ZFHX3: variants seen among roughly 807,000 people sequenced by gnomAD.
The protein encoded by ZFHX3 is zinc finger homeobox protein 3.
In ZFHX3, 42 loss-of-function variants were observed where a neutral mutation model predicts 279.1. That is an observed-to-expected ratio of 0.15 (90% CI 0.12 to 0.19). The LOEUF is 0.19. Ranked by LOEUF, ZFHX3 falls within the 10% of genes least tolerant of loss-of-function variation. The pLI, the probability that ZFHX3 is intolerant of heterozygous loss-of-function variation, is 1.00. For synonymous variants in ZFHX3, 2,293 were observed against 1,957.8 expected (o/e 1.17, Z -4.52); for missense variants, 4,981 against 4,754.0 (o/e 1.05, Z -1.40).
chr16:72,983,003 G>C (rs559348830), intron 1 of ZFHX3, among the ~76,000 whole-genome samples: 1 of 152,194 alleles, frequency 6.6e-6, no homozygotes, highest in Non-Finnish European at 1.5e-5. Context: ...CAGGATTACT[G>C]TAGCATGACC....
intron 4 of ZFHX3, among the ~76,000 whole-genome samples, chr16:72,857,959 G>T (rs751144151): frequency 6.6e-6 from 1 of 152,238 alleles, no homozygotes; most frequent in African/African-American, 2.4e-5. Flanking sequence ...AACTACCGGA[G>T]TAAGAGAGCA....
At chr16:73,199,727 C>G (rs554188825) in intron 5 of ZFHX3, among the ~76,000 whole-genome samples, 1 of 152,306 alleles carries the variant, frequency 6.6e-6, no homozygotes, top group African/African-American at 2.4e-5. Flanking sequence ...ACACAGGCTC[C>G]TTTGGGAGGC....
intron 3 of ZFHX3, among the ~76,000 whole-genome samples, chr16:73,407,561 G>A (rs1160825390): frequency 1.3e-5 from 2 of 152,202 alleles, no homozygotes; most frequent in East Asian, 3.9e-4. Flanking sequence ...CACAGCATGA[G>A]GGAGTGGCAG....
At chr16:73,439,011 G>A (rs2018041727) in intron 3 of ZFHX3, among the ~76,000 whole-genome samples, 1 of 152,220 alleles carries the variant, frequency 6.6e-6, no homozygotes, top group African/African-American at 2.4e-5. Flanking sequence ...AAAGGATGGA[G>A]ATTTGGACAA....
At chr16:72,948,288 A>G (rs1017390536) in intron 3 of ZFHX3, among the ~76,000 whole-genome samples, 7 of 152,082 alleles carry the variant, frequency 4.6e-5, no homozygotes, top group African/African-American at 1.7e-4. Context: ...CCATTTCAGG[A>G]TCTCTCCTTC....
At chr16:73,211,104 G>A (rs997600067) in intron 5 of ZFHX3, among the ~76,000 whole-genome samples, 1 of 152,142 alleles carries the variant, frequency 6.6e-6, no homozygotes, top group Non-Finnish European at 1.5e-5. Flanking sequence ...GGACAATGTC[G>A]TGGGTTGGTT....
chr16:73,719,574 G>A (rs778613902), intron 1 of ZFHX3, among the ~76,000 whole-genome samples: 4 of 152,164 alleles, frequency 2.6e-5, no homozygotes, highest in Non-Finnish European at 5.9e-5. Flanking sequence ...ATAACTCGCT[G>A]AAATCTTGTA....
chr16:73,619,463 G>A (rs1274109477), intron 2 of ZFHX3, among the ~76,000 whole-genome samples: 1 of 142,624 alleles, frequency 7.0e-6, no homozygotes, highest in East Asian at 2.1e-4. Context: ...ACTTCAGCCT[G>A]GGTGACAGAG....
chr16:73,527,981 G>A (rs1200803402), intron 2 of ZFHX3, among the ~76,000 whole-genome samples: 2 of 152,166 alleles, frequency 1.3e-5, no homozygotes, highest in Non-Finnish European at 2.9e-5. Context: ...GCTAAATCTT[G>A]GAGTAATTTG....
chr16:73,160,816 C>T (rs1461368253), intron 5 of ZFHX3, among the ~76,000 whole-genome samples: 27 of 147,714 alleles, frequency 1.8e-4, no homozygotes, highest in Non-Finnish European at 3.1e-4. Context: ...AGATAATTAC[C>T]GTTTCCTTTA....
intron 7 of ZFHX3, among the ~76,000 whole-genome samples, chr16:73,110,309 G>A (rs1001929666): frequency 6.6e-6 from 1 of 152,040 alleles, no homozygotes; most frequent in African/African-American, 2.4e-5. Context: ...CATTCAAACA[G>A]GTTGTGTCTA....
In ZFHX3 at chr16:73,417,897, G is replaced by C. The variant is rs111456098; in HGVS notation, c.-1291+38106C>G. Among the ~76,000 whole-genome samples the C allele has an allele frequency of 1.9e-4, 28 of 146,598 alleles. 1 individual carries two copies. Among genetic ancestry groups the C allele is most frequent in the African/African-American group, 4.3e-4 (17 of 39,772 alleles). The stretch of plus-strand genomic sequence containing the variant: ...CCAGCTCCTCGGGAGGCTGAGGCAT[G>C]AGAATGGCGTGAACCCAGGAGGCGG... On this transcript the variant is annotated intron_variant, in intron 3 of 17. Coordinates refer to the ZFHX3 transcript ENST00000641206.
At chr16:73,874,589 T>C (rs986050848) in intron 1 of ZFHX3, among the ~76,000 whole-genome samples, 1 of 152,212 alleles carries the variant, frequency 6.6e-6, no homozygotes, top group African/African-American at 2.4e-5. Flanking sequence ...TGTTTATTCA[T>C]TATGCCTCTC....
At chr16:72,880,462 C>G (rs1306672616) in intron 4 of ZFHX3, among the ~76,000 whole-genome samples, 1 of 152,086 alleles carries the variant, frequency 6.6e-6, no homozygotes, top group Non-Finnish European at 1.5e-5. Flanking sequence ...GGGGGACTCA[C>G]AGAGACCAGG....
chr16:72,991,093 C>CTGT (rs66877075), intron 1 of ZFHX3, among the ~76,000 whole-genome samples: 2 of 1,880 alleles, frequency 1.1e-3, no homozygotes, highest in Non-Finnish European at 5.3e-3. Context: ...ATAGCAGTCC[C>CTGT]TTATCCGAGG....
At chr16:73,014,004 G>T (rs184899961) in intron 1 of ZFHX3, among the ~76,000 whole-genome samples, 1 of 152,194 alleles carries the variant, frequency 6.6e-6, no homozygotes, top group African/African-American at 2.4e-5. Flanking sequence ...GGAGATGATC[G>T]TGGATTATCC....
chr16:73,543,905 A>AGG (rs1555523946), intron 2 of ZFHX3: 5 of 151,518 alleles, frequency 3.3e-5, no homozygotes, highest in African/African-American at 1.2e-4. Flanking sequence ...AGAGAGAGAG[A>AGG]GAGAGACAGA....
At chr16:73,616,423 T>C (rs1384962174) in intron 2 of ZFHX3, among the ~76,000 whole-genome samples, 2 of 124,710 alleles carry the variant, frequency 1.6e-5, no homozygotes, top group African/African-American at 3.2e-5. Flanking sequence ...TTGGCAACTA[T>C]GGAGGAAAAA....
At chr16:73,172,195 G>C (rs1476770758) in intron 5 of ZFHX3, among the ~76,000 whole-genome samples, 1 of 152,188 alleles carries the variant, frequency 6.6e-6, no homozygotes, top group Non-Finnish European at 1.5e-5. Flanking sequence ...TGACACCCGA[G>C]CCCAAGCCTC....
Sources: allele counts gnomAD v4.1 joint callset (sites outside exome capture counted in the v4.1 genomes callset), GRCh38; gene constraint gnomAD v4.1.1; transcripts MANE v1.5; gene names NCBI Gene and HGNC (gene_info 2026-07-23, HGNC 2026-07-21).